The following GALK1 variants were observed in gnomAD, a reference collection of about 807,000 sequenced individuals.
GALK1 encodes galactokinase 1, also known as galactokinase.
GALK1 carries 30 observed loss-of-function variants against 38.6 expected under a neutral mutation model. That is an observed-to-expected ratio of 0.78 (90% CI 0.58 to 1.05). The LOEUF is 1.05. Among genes scored for constraint, GALK1 ranks in the 50% least tolerant of loss-of-function variants. The probability of loss-of-function intolerance (pLI) is 0.00; values close to 1 mark genes in which losing one functional copy is unlikely to be tolerated. For synonymous variants in GALK1, 240 were observed against 233.6 expected, an observed-to-expected ratio of 1.03 and a Z score of -0.25; for missense variants, 512 against 540.5, an observed-to-expected ratio of 0.95 and a Z score of 0.52.
In GALK1 at chr17:75,763,390, CA is replaced by C; in HGVS notation, c.404del (p.Leu135ArgfsTer29). The C allele has an allele frequency of 6.2e-7, 1 of 1,612,992 alleles. No individual in the cohort carries two copies. The highest frequency in any genetic ancestry group is 8.5e-7 in the Non-Finnish European group (1 of 1,179,660). ...FSAVVVSSVP[L>X]GGGLSSSASL... Reference sequence around the variant, plus strand: ...ATGCTGAGCTGGACAGGCCACCCCCCAGGGGCACTGAGCTGACCACCACTGC... The same window carrying C: ...ATGCTGAGCTGGACAGGCCACCCCCCGGGGCACTGAGCTGACCACCACTGC... On this transcript the variant is annotated frameshift_variant, in exon 3 of 8. Coordinates refer to ENST00000588479, the MANE Select transcript of GALK1 (RefSeq NM_000154.2). LOFTEE classifies it high-confidence loss of function.
chr17:75,755,859 T>C (rs1462051912), downstream of GALK1: 1 of 1,601,032 alleles, frequency 6.2e-7, no homozygotes, highest in South Asian at 1.1e-5. Context: ...CGGTGAGGCA[T>C]GGTGGCTGCC....
chr17:75,756,628 T>G, downstream of GALK1: 1 of 1,612,340 alleles, frequency 6.2e-7, no homozygotes, highest in Non-Finnish European at 8.5e-7. Context: ...GTGAGTTGCC[T>G]CCCCCAGCCC....
rs746326929 is a variant in GALK1, at chr17:75,765,060, G to A, written c.77C>T (p.Ala26Val). The change falls in exon 1 of 8, where the codon GCC becomes GTC. Residue 26 changes from alanine (A) to valine (V), a missense_variant. Transcript: ENST00000588479. ...CGCTGACACGGCCAGCTCGGGCTCGGCCCCGAACTCCTCCCGGAAGGCTCG... is the reference window on the plus strand; with the variant it reads ...CGCTGACACGGCCAGCTCGGGCTCGACCCCGAACTCCTCCCGGAAGGCTCG... ...ARRAFREEFG[A>V]EPELAVSAPG... 6.2e-7 allele frequency: 1 copy of A among 1,603,568 alleles called. No individual in the cohort carries two copies. Among genetic ancestry groups the A allele is most frequent in the Middle Eastern group, 1.7e-4 (1 of 6,048 alleles).
At chr17:75,754,982 A>G, downstream of GALK1, 5 of 1,536,742 alleles carry the variant, frequency 3.3e-6, no homozygotes, top group Non-Finnish European at 4.5e-6. Flanking sequence ...ATGTACACAG[A>G]CATGCATGCG....
At chr17:75,763,245 G>A in intron 3 of GALK1, 75 bp downstream of exon 3, 2 of 1,612,580 alleles carry the variant, frequency 1.2e-6, no homozygotes, top group South Asian at 1.1e-5. Context: ...CCCTCCATAA[G>A]GCATAGTAGA....
At position 75,765,038 on chromosome 17, in the gene GALK1, T is replaced by C. The variant is rs1599336924; in HGVS notation, c.99A>G (p.Ser33=). 1 of 1,609,160 alleles carries C rather than the reference T, an allele frequency of 6.2e-7. No individual in the cohort carries two copies. Among genetic ancestry groups the C allele is most frequent in the Non-Finnish European group, 8.5e-7 (1 of 1,178,310 alleles). ...CGATGAGGTTGACGCGGCCCGGCGC[T>C]GACACGGCCAGCTCGGGCTCGGCCC... is the stretch of plus-strand genomic sequence containing the variant. The part of the protein sequence containing the change: ...EFGAEPELAV[S]APGRVNLIGE... Residue 33 remains serine, a synonymous_variant, in exon 1 of 8, where the codon TCA becomes TCG. Coordinates refer to ENST00000588479, the MANE Select transcript of GALK1 (RefSeq NM_000154.2).
rs559489585 is a variant in GALK1 at position 75,761,157 on chromosome 17, G to A, written c.793+1547C>T. Among the ~76,000 whole-genome samples the A allele has an allele frequency of 4.0e-5, 6 of 150,702 alleles. No homozygotes were observed. In the South Asian group the frequency reaches 1.3e-3, roughly 32 times the overall value. On this transcript the variant is annotated intron_variant, in intron 5 of 7. Transcript: ENST00000588479. ...GCAGAGGTTGCAGTGAGCCGAGATC[G>A]TGCCACTGCACTGCAGCCTGGGTGA...
At position 75,758,380 on chromosome 17, in the gene GALK1, G is replaced by A; in HGVS notation, c.945-8C>T. ...CTCACCTCATAGTCGTCTCTGCAGA[G>A]AGGATATTGAAGGGGTGGGCCTGGG... On this transcript the variant is annotated splice_region_variant and splice_polypyrimidine_tract_variant and intron_variant, in intron 6 of 7. Coordinates refer to ENST00000588479, the MANE Select transcript of GALK1 (RefSeq NM_000154.2). 1.3e-6 allele frequency: 2 copies of A among 1,586,126 alleles called. No homozygotes were observed. Among genetic ancestry groups the A allele is most frequent in the Non-Finnish European group, 1.7e-6 (2 of 1,166,906 alleles).
chr17:75,764,995 T>C lies in GALK1; in HGVS notation c.142A>G (p.Asn48Asp). The C allele has an allele frequency of 6.2e-7, 1 of 1,610,408 alleles. No homozygotes were observed. The highest frequency in any genetic ancestry group is 8.5e-7 in the Non-Finnish European group (1 of 1,178,744). The change falls in exon 1 of 8, where the codon AAC (asparagine) becomes GAC (aspartate). Residue 48 changes from asparagine to aspartate, a missense_variant. Transcript: ENST00000588479. The stretch of plus-strand genomic sequence containing the variant: ...ACCATAGGCAGCACCAGGCCCTGGT[T>C]GTAGTCCGTGTGTTCCCCGATGAGG... ...VNLIGEHTDY[N>D]QGLVLPMALE...
At chr17:75,758,682 AGTGGCCCTGGCTGGACG>A in intron 5 of GALK1, 83 bp from the exon 6 acceptor site, 1 of 1,511,378 alleles carries the variant, frequency 6.6e-7, no homozygotes, top group Non-Finnish European at 8.9e-7. Context: ...CGGTGATGGC[AGTGGCCCTGGCTGGACG>A]GTGAAGGGTG....
downstream of GALK1, chr17:75,754,483 G>A (rs2061440083): frequency 6.6e-7 from 1 of 1,523,712 alleles, no homozygotes; most frequent in Non-Finnish European, 9.0e-7. Context: ...CCACCCAGAG[G>A]GTGGGTGACC....
chr17:75,758,648 C>G, intron 5 of GALK1, 49 bp from the exon 6 acceptor site: 1 of 1,551,762 alleles, frequency 6.4e-7, no homozygotes, highest in Non-Finnish European at 8.6e-7. Context: ...GCCTGGGGCC[C>G]CGACGCCTGT....
intron 1 of GALK1, chr17:75,764,596 T>A: frequency 2.2e-6 from 1 of 452,618 alleles, no homozygotes; most frequent in East Asian, 5.2e-5. Context: ...GCCAGAAGGC[T>A]ACGTTCGCCC....
At chr17:75,756,551 G>C (rs751869719), downstream of GALK1, 5 of 1,613,256 alleles carry the variant, frequency 3.1e-6, no homozygotes, top group South Asian at 5.5e-5. Flanking sequence ...CTGGGGCCGA[G>C]AGCGTGAGGG....
rs1214866139 is a variant in GALK1, at chr17:75,765,031, C to G, written c.106G>C (p.Gly36Arg). ...TGTTCCCCGATGAGGTTGACGCGGC[C>G]CGGCGCTGACACGGCCAGCTCGGGC... Reference protein sequence around the residue: ...AEPELAVSAPGRVNLIGEHTD... With the variant: ...AEPELAVSAPRRVNLIGEHTD... Residue 36 changes from glycine to arginine, a missense_variant, in exon 1 of 8, where the codon GGC becomes CGC. Gly to Arg is a moderately radical substitution (Grantham distance 125). Coordinates refer to ENST00000588479, the MANE Select transcript of GALK1 (RefSeq NM_000154.2). 5.6e-6 allele frequency: 9 copies of G among 1,609,666 alleles called. No homozygotes were observed. Among genetic ancestry groups the G allele is most frequent in the Non-Finnish European group, 7.6e-6 (9 of 1,178,538 alleles).
downstream of GALK1, chr17:75,755,580 G>A: frequency 7.7e-7 from 1 of 1,300,246 alleles, no homozygotes; most frequent in Non-Finnish European, 1.1e-6. Flanking sequence ...TGAGTGAGTT[G>A]TCCAGCCAGC....
Position 75,763,926 on chromosome 17 carries a change from T to C in GALK1, c.326A>G (p.Tyr109Cys), listed in dbSNP as rs745421372. ...GTAGTACTGAATCACTCCCTTGACA[T>C]AGTTGGCCCACCGAGGAGTCCCAGG... ...LEPGTPRWANYVKGVIQYYPA... is the reference protein window; with the variant it reads ...LEPGTPRWANCVKGVIQYYPA... The change falls in exon 2 of 8, where the codon TAT (tyrosine) becomes TGT (cysteine). Residue 109 changes from tyrosine to cysteine, a missense_variant. Physicochemically the swap from Tyr to Cys is radical, Grantham distance 194. Transcript: ENST00000588479. 1.2e-6 allele frequency: 2 copies of C among 1,613,800 alleles called. No individual in the cohort carries two copies. Among genetic ancestry groups the C allele is most frequent in the East Asian group, 2.2e-5 (1 of 44,868 alleles).
chr17:75,756,584 G>C, downstream of GALK1: 1 of 1,612,982 alleles, frequency 6.2e-7, no homozygotes, highest in Non-Finnish European at 8.5e-7. Flanking sequence ...TGAATCCCAG[G>C]TGCACCCGCA....
intron 1 of GALK1, 36 bp from the exon 2 acceptor site, chr17:75,764,122 C>G: frequency 6.5e-7 from 1 of 1,543,022 alleles, no homozygotes; most frequent in Non-Finnish European, 8.7e-7. Flanking sequence ...GAGGCTTCCG[C>G]CAGCTGGAGT....
Sources: gnomAD v4.1 joint callset for allele counts (sites outside exome capture counted in the v4.1 genomes callset) on GRCh38, gnomAD v4.1.1 for gene constraint, MANE v1.5 for transcripts, NCBI Gene and HGNC (gene_info 2026-07-23, HGNC 2026-07-21) for gene names.